CLHC1: variants seen among roughly 807,000 people sequenced by gnomAD.
CLHC1 encodes clathrin heavy chain linker domain containing 1, also known as clathrin heavy chain linker domain-containing protein 1.
In CLHC1, 72 loss-of-function variants were observed where a neutral mutation model predicts 69.5. The ratio of observed to expected loss-of-function variants is 1.04; its 90% CI spans 0.86 to 1.26. The LOEUF is 1.26. Ranked by LOEUF, CLHC1 falls within the 50% of genes most tolerant of loss-of-function variation. CLHC1 has a pLI of 0.00. For missense variants in CLHC1, 790 were observed against 679.3 expected (o/e 1.16, Z -1.81); for synonymous variants, 223 against 224.3 (o/e 0.99, Z 0.05).
intron 5 of CLHC1, among the ~76,000 whole-genome samples, chr2:55,210,821 C>T (rs1470229331): frequency 1.3e-5 from 2 of 152,178 alleles, no homozygotes; most frequent in Non-Finnish European, 1.5e-5. Flanking sequence ...TCATAACTCT[C>T]TCTCTTTCTC....
At chr2:55,211,658 T>G (rs762213043) in intron 5 of CLHC1, among the ~76,000 whole-genome samples, 2 of 152,146 alleles carry the variant, frequency 1.3e-5, no homozygotes, top group African/African-American at 2.4e-5. Context: ...TTCCTAAAAT[T>G]TCTACCTATT....
chr2:55,227,306 G>T lies in CLHC1; in HGVS notation c.-83+726C>A, dbSNP rs1264320440. ...GCACCATTTCACAGCTAGGAATTCG[G>T]CAATAAGTAAGATAAGGTCCCTGGC... On this transcript the variant is annotated intron_variant, in intron 2 of 12. Coordinates refer to ENST00000401408, the MANE Select transcript of CLHC1 (RefSeq NM_152385.4). Among the ~76,000 whole-genome samples, 5 of 151,774 alleles carry T rather than the reference G, an allele frequency of 3.3e-5. No homozygotes were observed. The East Asian group carries it at 9.6e-4, about 29-fold the overall frequency.
At chr2:55,181,474 T>C in intron 10 of CLHC1, 96 bp downstream of exon 10, 1 of 993,752 alleles carries the variant, frequency 1.0e-6, no homozygotes, top group Non-Finnish European at 1.5e-6. Context: ...GAAGTAAATG[T>C]TCAAGTAACA....
At chr2:55,199,775 T>C (rs1017796959) in intron 9 of CLHC1, among the ~76,000 whole-genome samples, 3 of 151,806 alleles carry the variant, frequency 2.0e-5, no homozygotes, top group Non-Finnish European at 2.9e-5. Context: ...AATTCAAACA[T>C]ACCACCAGAG....
chr2:55,217,163 C>G (rs1673601660), intron 4 of CLHC1, among the ~76,000 whole-genome samples: 1 of 151,918 alleles, frequency 6.6e-6, no homozygotes, highest in African/African-American at 2.4e-5. Flanking sequence ...CTACTGTACT[C>G]CAGCCTGGGC....
upstream of CLHC1, chr2:55,232,530 G>GC: frequency 1.9e-6 from 1 of 513,854 alleles, no homozygotes; most frequent in African/African-American, 1.9e-5. Context: ...TGAGAAATAA[G>GC]CCCAGGCTAG....
At position 55,209,417 on chromosome 2, in the gene CLHC1, G is replaced by A. The variant is rs941653384; in HGVS notation, c.801C>T (p.Thr267=). ...TAGATAATCTACCTTGTAAATATTTGGTTTTCTGAATTTGCTCCACAAAGT... is the reference window on the plus strand; with the variant it reads ...TAGATAATCTACCTTGTAAATATTTAGTTTTCTGAATTTGCTCCACAAAGT... The part of the protein sequence containing the change: ...FQDFVEQIQK[T]KYLQGDQGIV... The change falls in exon 7 of 13, where the codon ACC becomes ACT. Residue 267 remains threonine, a synonymous_variant. Transcript: ENST00000401408. 5 of 1,592,138 alleles carry A rather than the reference G, an allele frequency of 3.1e-6. No individual in the cohort carries two copies. The highest frequency in any genetic ancestry group is 1.4e-5 in the African/African-American group (1 of 73,932).
chr2:55,215,677 A>C (rs1349938229), intron 4 of CLHC1, among the ~76,000 whole-genome samples: 1 of 152,142 alleles, frequency 6.6e-6, no homozygotes, highest in Non-Finnish European at 1.5e-5. Flanking sequence ...CCAATAGACT[A>C]TACCAGGTGG....
In CLHC1 at chr2:55,186,622, G is replaced by A. The variant is rs539190614; in HGVS notation, c.1007-4878C>T. Among the ~76,000 whole-genome samples the A allele has an allele frequency of 4.6e-5, 7 of 152,060 alleles. No homozygotes were observed. In the South Asian group the frequency reaches 1.5e-3, roughly 32 times the overall value. On this transcript the variant is annotated intron_variant, in intron 9 of 12. Transcript: ENST00000401408. ...AACAACAACAAAAACACATTAACCA[G>A]GCATGGTGGGTATGCCTATACTCCC...
intron 3 of CLHC1, among the ~76,000 whole-genome samples, chr2:55,221,515 G>C (rs1573769203): frequency 6.6e-6 from 1 of 152,094 alleles, no homozygotes; most frequent in African/African-American, 2.4e-5. Flanking sequence ...TTTAATGTTA[G>C]ATCAAATCTA....
At chr2:55,196,870 G>A (rs1444509975) in intron 9 of CLHC1, among the ~76,000 whole-genome samples, 1 of 152,206 alleles carries the variant, frequency 6.6e-6, no homozygotes, top group Non-Finnish European at 1.5e-5. Context: ...TGGCCATAGT[G>A]AGGAAGAGCA....
chr2:55,188,006 G>T (rs983621995), intron 9 of CLHC1, among the ~76,000 whole-genome samples: 3 of 152,046 alleles, frequency 2.0e-5, no homozygotes, highest in Non-Finnish European at 2.9e-5. Context: ...CACAAAATGG[G>T]AAATCCAAAT....
chr2:55,190,937 C>T (rs1302097009), intron 9 of CLHC1, among the ~76,000 whole-genome samples: 1 of 151,012 alleles, frequency 6.6e-6, no homozygotes, highest in Non-Finnish European at 1.5e-5. Context: ...AATCAAAGTG[C>T]CAAAAAAAAA....
intron 9 of CLHC1, among the ~76,000 whole-genome samples, chr2:55,205,423 GCACA>G (rs944290333): frequency 1.4e-5 from 1 of 73,270 alleles, no homozygotes; most frequent in South Asian, 4.3e-4. Flanking sequence ...ACACACACAC[GCACA>G]CACACACACA....
In CLHC1 at chr2:55,173,189, G is replaced by A. The variant is rs1669101673; in HGVS notation, c.*2601C>T. Among the ~76,000 whole-genome samples, 1 of 152,206 alleles carries A rather than the reference G, an allele frequency of 6.6e-6. No homozygotes were observed. Among genetic ancestry groups the A allele is most frequent in the Admixed American group, 6.5e-5 (1 of 15,280 alleles). On this transcript the variant is annotated 3_prime_UTR_variant, in exon 13 of 13. Coordinates refer to ENST00000401408, the MANE Select transcript of CLHC1 (RefSeq NM_152385.4). ...ACGCTCAAGACAGCAAGACCTAATA[G>A]AACACATGAACGTTGGTTAAATCTT...
chr2:55,221,998 T>G (rs761597959), intron 3 of CLHC1, among the ~76,000 whole-genome samples: 3 of 152,114 alleles, frequency 2.0e-5, no homozygotes, highest in Non-Finnish European at 2.9e-5. Flanking sequence ...TAAAGGAAAC[T>G]TATAATCTGC....
intron 9 of CLHC1, among the ~76,000 whole-genome samples, chr2:55,189,421 T>C (rs1670711504): frequency 6.6e-6 from 1 of 152,150 alleles, no homozygotes; most frequent in Non-Finnish European, 1.5e-5. Context: ...AGATAAAATA[T>C]ATAAAATAAC....
chr2:55,181,761 A>G lies in CLHC1; in HGVS notation c.1007-17T>C, dbSNP rs1355380261. ...TTCCAACAGCTACAGAAAGGAGAAA[A>G]TTTTCTGAGTCAAATACTTTAAGAA... On this transcript the variant is annotated splice_polypyrimidine_tract_variant and intron_variant, in intron 9 of 12. Transcript: ENST00000401408. The G allele has an allele frequency of 6.3e-7, 1 of 1,599,846 alleles. No homozygotes were observed.
At chr2:55,181,464 G>C in intron 10 of CLHC1, 106 bp downstream of exon 10, 1 of 891,144 alleles carries the variant, frequency 1.1e-6, no homozygotes, top group Non-Finnish European at 1.7e-6. Context: ...ATAGGGACCT[G>C]AAGTAAATGT....
Sources: gnomAD v4.1 joint callset for allele counts (sites outside exome capture counted in the v4.1 genomes callset) on GRCh38, gnomAD v4.1.1 for gene constraint, MANE v1.5 for transcripts, NCBI Gene and HGNC (gene_info 2026-07-23, HGNC 2026-07-21) for gene names.